Variants in UNC5D observed in about 807,000 individuals in gnomAD.
UNC5D encodes the protein netrin receptor UNC5D.
Under a neutral mutation model 105.4 loss-of-function variants are expected in UNC5D, and 39 were observed. The observed-to-expected ratio is 0.37, with a 90% CI of 0.29 to 0.48. The LOEUF is 0.48. UNC5D is among the 20% of genes least tolerant of loss of function. The pLI is 0.98. For synonymous variants in UNC5D, 452 were observed against 450.4 expected (o/e 1.00, Z -0.04); for missense variants, 991 against 1,202.4 (o/e 0.82, Z 2.60).
intron 1 of UNC5D, among the ~76,000 whole-genome samples, chr8:35,267,696 C>T (rs1804981450): frequency 6.6e-6 from 1 of 152,140 alleles, no homozygotes; most frequent in African/African-American, 2.4e-5. Flanking sequence ...CTTGGCCTCC[C>T]AAAGTGCTGG....
At chr8:35,529,271 A>C (rs376619566) in intron 1 of UNC5D, among the ~76,000 whole-genome samples, 1,711 of 78,592 alleles carry the variant, frequency 0.022, 2 homozygotes, top group East Asian at 0.047. Flanking sequence ...ACATATGGCT[A>C]GCCAGTTTTC....
At chr8:35,599,142 C>CAA (rs34511041) in intron 4 of UNC5D, among the ~76,000 whole-genome samples, 18 of 38,630 alleles carry the variant, frequency 4.7e-4, no homozygotes, top group East Asian at 1.0e-3. Flanking sequence ...GACTCTGTCT[C>CAA]AAAAAAAAAA....
rs1268705619 is a variant in UNC5D, at chr8:35,790,433, A to C, written c.2732A>C (p.His911Pro). Reference protein sequence around the residue: ...ILNLWEARHQHDGDLDSLACA... With the variant: ...ILNLWEARHQPDGDLDSLACA... ...AACCTGTGGGAAGCTCGTCATCAGC[A>C]TGATGGTGATCTTGACTCCCTGGCC... Residue 911 changes from histidine to proline, a missense_variant, in exon 17 of 17, where the codon CAT becomes CCT. This residue lies in a region of UNC5D where 45 missense variants were observed against 54.5 expected (regional missense o/e 0.83). Coordinates refer to ENST00000404895, the MANE Select transcript of UNC5D (RefSeq NM_080872.4). The C allele has an allele frequency of 4.3e-6, 7 of 1,613,866 alleles. No individual in the cohort carries two copies. Among genetic ancestry groups the C allele is most frequent in the African/African-American group, 1.3e-5 (1 of 74,922 alleles).
At chr8:35,530,005 A>C (rs1296051090) in intron 1 of UNC5D, among the ~76,000 whole-genome samples, 1 of 150,334 alleles carries the variant, frequency 6.7e-6, no homozygotes, top group Non-Finnish European at 1.5e-5. Flanking sequence ...GGACAATTTG[A>C]CTTCCTCTTT....
intron 11 of UNC5D, among the ~76,000 whole-genome samples, chr8:35,737,923 A>G (rs918536312): frequency 6.6e-6 from 1 of 152,012 alleles, no homozygotes. Flanking sequence ...CCTGACCAAC[A>G]TGGAAAAACC....
chr8:35,708,367 G>A lies in UNC5D; in HGVS notation c.1117+2406G>A, dbSNP rs115814269. The stretch of plus-strand genomic sequence containing the variant: ...TAAATGAGATAATTTAATCAATTAC[G>A]TTTCCTAATGTACTAAACCGAATGT... On this transcript the variant is annotated intron_variant, in intron 8 of 16. Transcript: ENST00000404895. Among the ~76,000 whole-genome samples, 774 of 152,318 alleles carry A rather than the reference G, an allele frequency of 5.1e-3. 6 individuals carry two copies. Among genetic ancestry groups the A allele is most frequent in the African/African-American group, 0.018 (734 of 41,570 alleles).
At chr8:35,426,067 C>G (rs1300195817) in intron 1 of UNC5D, among the ~76,000 whole-genome samples, 1 of 152,122 alleles carries the variant, frequency 6.6e-6, no homozygotes, top group Non-Finnish European at 1.5e-5. Flanking sequence ...TAATTTTCTC[C>G]TTTGTTGAAA....
chr8:35,599,650 C>T (rs947769521), intron 4 of UNC5D, among the ~76,000 whole-genome samples: 4 of 152,228 alleles, frequency 2.6e-5, no homozygotes, highest in African/African-American at 4.8e-5. Context: ...CATTAGACAA[C>T]ATTTTGGCTT....
At chr8:35,380,263 C>A (rs1802966068) in intron 1 of UNC5D, among the ~76,000 whole-genome samples, 1 of 150,798 alleles carries the variant, frequency 6.6e-6, no homozygotes, top group African/African-American at 2.4e-5. Context: ...GACCTCTGGT[C>A]TCTTCACGTA....
chr8:35,618,486 A>G (rs1314683590), intron 4 of UNC5D, among the ~76,000 whole-genome samples: 1 of 152,242 alleles, frequency 6.6e-6, no homozygotes, highest in Non-Finnish European at 1.5e-5. Context: ...ACTTCAAAGT[A>G]GAGATGGGAG....
chr8:35,645,404 A>G (rs1822985298), intron 4 of UNC5D, among the ~76,000 whole-genome samples: 1 of 152,152 alleles, frequency 6.6e-6, no homozygotes, highest in Admixed American at 6.5e-5. Flanking sequence ...CCAGCTTGCA[A>G]TTTTAGCCTC....
At chr8:35,535,315 T>A (rs1322361732) in intron 1 of UNC5D, among the ~76,000 whole-genome samples, 1 of 152,096 alleles carries the variant, frequency 6.6e-6, no homozygotes, top group African/African-American at 2.4e-5. Flanking sequence ...AGTGCTCTTC[T>A]CCCCGTCGTT....
In UNC5D at chr8:35,792,891, C is replaced by G. The variant is rs1266584724; in HGVS notation, c.*2328C>G. ...AGATGAAAATTCTAAATGATTTTCC[C>G]TCAAATCTATCTAGATTATTTTAAG... is the stretch of plus-strand genomic sequence containing the variant. On this transcript the variant is annotated 3_prime_UTR_variant, in exon 17 of 17. Coordinates refer to ENST00000404895, the MANE Select transcript of UNC5D (RefSeq NM_080872.4). 2.7e-6 allele frequency: 1 copy of G among 376,162 alleles called. No homozygotes were observed. Among genetic ancestry groups the G allele is most frequent in the Non-Finnish European group, 5.1e-6 (1 of 195,482 alleles). 23.3% of individuals were successfully genotyped at this position (376,162 alleles called of 1,614,324 possible). A position where few individuals can be genotyped will look rare whatever the true frequency, so the allele number is the denominator to read the frequency against.
intron 1 of UNC5D, among the ~76,000 whole-genome samples, chr8:35,530,192 T>C (rs1396042942): frequency 6.6e-6 from 1 of 151,814 alleles, no homozygotes; most frequent in South Asian, 2.1e-4. Context: ...TTGTCATAGA[T>C]AGCTCTTATT....
Position 35,389,175 on chromosome 8 carries a change from T to G in UNC5D, c.103+153288T>G, listed in dbSNP as rs151036116. 2.6e-5 allele frequency among the ~76,000 whole-genome samples: 4 copies of G among 152,346 alleles called. No homozygotes were observed. The East Asian group carries it at 7.7e-4, about 29-fold the overall frequency. On this transcript the variant is annotated intron_variant, in intron 1 of 16. Transcript: ENST00000404895. ...GTGGAATTTTAAAACATTCAAAACC[T>G]TGGGGTCCATTTCTGGAGACTTGTA...
At chr8:35,427,201 T>C (rs766874779) in intron 1 of UNC5D, among the ~76,000 whole-genome samples, 3 of 152,186 alleles carry the variant, frequency 2.0e-5, no homozygotes, top group Non-Finnish European at 4.4e-5. Context: ...AATTTCCTAA[T>C]AAGAAGATGC....
At chr8:35,728,095 A>AAAAAATATATATATAT (rs34672872) in intron 10 of UNC5D, among the ~76,000 whole-genome samples, 1 of 110,362 alleles carries the variant, frequency 9.1e-6, no homozygotes, top group African/African-American at 5.5e-5. Context: ...AAAAAAAAAA[A>AAAAAATATATATATAT]ATATATATAT....
chr8:35,464,496 T>A lies in UNC5D; in HGVS notation c.104-84796T>A, dbSNP rs914292241. 4.7e-4 allele frequency among the ~76,000 whole-genome samples: 72 copies of A among 152,310 alleles called. 1 individual carries two copies. Among genetic ancestry groups the A allele is most frequent in the African/African-American group, 1.7e-3 (72 of 41,572 alleles). ...TTGAGTGCCCAGGTTATTTGTAATTTTCTGGGATTGTAAGTCATCTTTGCT... is the reference window on the plus strand; with the variant it reads ...TTGAGTGCCCAGGTTATTTGTAATTATCTGGGATTGTAAGTCATCTTTGCT... On this transcript the variant is annotated intron_variant, in intron 1 of 16. Transcript: ENST00000404895.
At chr8:35,326,127 T>C (rs564835408) in intron 1 of UNC5D, among the ~76,000 whole-genome samples, 1 of 152,344 alleles carries the variant, frequency 6.6e-6, no homozygotes, top group Admixed American at 6.5e-5. Context: ...GATTAGCTTT[T>C]TGTATGGGGA....
Sources: allele counts gnomAD v4.1 joint callset (sites outside exome capture counted in the v4.1 genomes callset), GRCh38; gene constraint gnomAD v4.1.1; regional missense constraint gnomAD v4.1.1; transcripts MANE v1.5; gene names NCBI Gene and HGNC (gene_info 2026-07-23, HGNC 2026-07-21).